The following SPRR2B variants were observed in gnomAD, a reference collection of about 807,000 sequenced individuals.
SPRR2B encodes the protein small proline-rich protein 2B.
In SPRR2B, 1 loss-of-function variant was observed where a neutral mutation model predicts 1.0. That is an observed-to-expected ratio of 1.01 (90% CI 0.36 to 4.77). The LOEUF (loss-of-function observed/expected upper bound fraction) is 4.77, where lower values mean the gene tolerates loss of function less well. Ranked by LOEUF, SPRR2B falls within the 30% of genes most tolerant of loss-of-function variation. The pLI is 0.16. For synonymous variants in SPRR2B, 27 were observed against 33.4 expected (o/e 0.81, Z 0.66); for missense variants, 53 against 88.7 (o/e 0.60, Z 1.62).
chr1:153,083,540 C>A, the SPRR2B span, among the ~76,000 whole-genome samples: 4,742 of 152,130 alleles, frequency 0.031, 231 homozygotes, highest in African/African-American at 0.11. Context: ...GCACTTCTAA[C>A]AGATATTCAG....
At chr1:153,085,345 A>G in the SPRR2B span, among the ~76,000 whole-genome samples, 85,862 of 151,980 alleles carry the variant, frequency 0.56, 24,927 homozygotes, top group African/African-American at 0.71. Flanking sequence ...TGACCTGAAA[A>G]AGCTGAAAAA....
At chr1:153,085,049 A>C in the SPRR2B span, among the ~76,000 whole-genome samples, 6 of 152,234 alleles carry the variant, frequency 3.9e-5, no homozygotes, top group Admixed American at 2.6e-4. Context: ...TCAAAGATTG[A>C]AGGAATATAA....
chr1:153,083,255 G>A, the SPRR2B span, among the ~76,000 whole-genome samples: 1 of 152,144 alleles, frequency 6.6e-6, no homozygotes, highest in Non-Finnish European at 1.5e-5. Flanking sequence ...CTGGAGAAAT[G>A]TAAAACAATC....
chr1:153,084,457 C>T, the SPRR2B span, among the ~76,000 whole-genome samples: 3 of 152,152 alleles, frequency 2.0e-5, no homozygotes, highest in Non-Finnish European at 4.4e-5. Context: ...GAAACTCCTG[C>T]ACCCCAAACA....
chr1:153,075,293 C>T (rs1444665441), upstream of SPRR2B, among the ~76,000 whole-genome samples: 2 of 151,786 alleles, frequency 1.3e-5, no homozygotes, highest in Non-Finnish European at 2.9e-5. Context: ...AGTGAGGTGG[C>T]GTCACACCTC....
At chr1:153,078,007 A>T in the SPRR2B span, among the ~76,000 whole-genome samples, 1 of 152,372 alleles carries the variant, frequency 6.6e-6, no homozygotes, top group East Asian at 1.9e-4. Flanking sequence ...AATAAACATA[A>T]ATCAGACAAT....
chr1:153,078,359 T>G, the SPRR2B span, among the ~76,000 whole-genome samples: 3 of 130,866 alleles, frequency 2.3e-5, no homozygotes, highest in Non-Finnish European at 5.5e-5. Context: ...TTTAAGGAGC[T>G]TACTTTCTGT....
upstream of SPRR2B, among the ~76,000 whole-genome samples, chr1:153,074,291 T>C (rs1018608660): frequency 7.1e-4 from 108 of 152,218 alleles, no homozygotes; most frequent in African/African-American, 2.5e-3. Flanking sequence ...ACATTTTATC[T>C]CACATTTCAA....
chr1:153,086,209 GC>G, the SPRR2B span, among the ~76,000 whole-genome samples: 1 of 152,104 alleles, frequency 6.6e-6, no homozygotes, highest in Non-Finnish European at 1.5e-5. Context: ...TGGGCTATAT[GC>G]CCCAATTAAA....
At chr1:153,073,021 A>C (rs1654702842), upstream of SPRR2B, among the ~76,000 whole-genome samples, 2 of 152,216 alleles carry the variant, frequency 1.3e-5, no homozygotes, top group African/African-American at 4.8e-5. Context: ...AGTGACTCAA[A>C]TTCTTTGGAG....
chr1:153,076,676 G>A, the SPRR2B span, among the ~76,000 whole-genome samples: 53,431 of 151,828 alleles, frequency 0.35, 10,313 homozygotes, highest in Non-Finnish European at 0.45. Context: ...TTTATGACAC[G>A]ATCCAGCTAC....
At chr1:153,079,358 CT>C in the SPRR2B span, among the ~76,000 whole-genome samples, 1 of 152,104 alleles carries the variant, frequency 6.6e-6, no homozygotes, top group Admixed American at 6.5e-5. Context: ...TGCAGAAGCT[CT>C]TTAGTTTAAT....
At chr1:153,080,687 G>A in the SPRR2B span, among the ~76,000 whole-genome samples, 1 of 151,952 alleles carries the variant, frequency 6.6e-6, no homozygotes, top group Non-Finnish European at 1.5e-5. Flanking sequence ...GTTTGAGAAA[G>A]GTTAAATAAA....
At chr1:153,080,029 C>T in the SPRR2B span, among the ~76,000 whole-genome samples, 1 of 152,096 alleles carries the variant, frequency 6.6e-6, no homozygotes, top group Non-Finnish European at 1.5e-5. Flanking sequence ...TTTGTATCCT[C>T]TTTTATTTCA....
the SPRR2B span, among the ~76,000 whole-genome samples, chr1:153,085,799 A>G: frequency 6.6e-6 from 1 of 152,212 alleles, no homozygotes; most frequent in South Asian, 2.1e-4. Flanking sequence ...CAGGTCACCT[A>G]CATAGGGAAG....
the SPRR2B span, among the ~76,000 whole-genome samples, chr1:153,085,112 C>T: frequency 6.6e-6 from 1 of 152,166 alleles, no homozygotes; most frequent in Non-Finnish European, 1.5e-5. Flanking sequence ...CTCAAAAAGC[C>T]AAGGTGTCTT....
rs1205404436 is a variant in SPRR2B, at chr1:153,070,512, C to T, written c.*109G>A. 19 of 1,524,628 alleles carry T rather than the reference C, an allele frequency of 1.2e-5. No individual in the cohort carries two copies. The highest frequency in any genetic ancestry group is 1.7e-5 in the Non-Finnish European group (19 of 1,134,054). The allele number at this position is 1,524,628 out of a possible 1,614,324, so 94.4% of individuals were successfully genotyped here. On this transcript the variant is annotated 3_prime_UTR_variant, in exon 2 of 2. Transcript: ENST00000368755. ...AGATCACAGGCTAAGGGGAAAGAAG[C>T]TCCCTATGAATCCATGATAAGCTTT...
the SPRR2B span, among the ~76,000 whole-genome samples, chr1:153,078,779 C>T: frequency 1.3e-5 from 2 of 152,152 alleles, no homozygotes; most frequent in East Asian, 1.9e-4. Flanking sequence ...GACATTTGGG[C>T]TGGTTCCAAG....
chr1:153,077,536 C>A, the SPRR2B span, among the ~76,000 whole-genome samples: 1 of 150,930 alleles, frequency 6.6e-6, no homozygotes, highest in South Asian at 2.1e-4. Context: ...TCTATGTTAG[C>A]AAACTCACGA....
Sources: allele counts gnomAD v4.1 joint callset (sites outside exome capture counted in the v4.1 genomes callset), GRCh38; gene constraint gnomAD v4.1.1; transcripts MANE v1.5; gene names NCBI Gene and HGNC (gene_info 2026-07-23, HGNC 2026-07-21).